The following PLCB1 variants were observed in gnomAD, a reference collection of about 807,000 sequenced individuals.
PLCB1 encodes the protein 1-phosphatidylinositol 4,5-bisphosphate phosphodiesterase beta-1.
In PLCB1, 46 loss-of-function variants were observed where a neutral mutation model predicts 161.8. The observed-to-expected ratio is 0.28, with a 90% CI of 0.22 to 0.36. The LOEUF is 0.36. PLCB1 is among the 10% of genes least tolerant of loss of function. PLCB1 has a pLI of 1.00. For synonymous variants in PLCB1, 517 were observed against 503.7 expected, an observed-to-expected ratio of 1.03 and a Z score of -0.35; for missense variants, 1,016 against 1,472.5, an observed-to-expected ratio of 0.69 and a Z score of 5.07.
At chr20:8,229,856 C>CATAAAATAAAATAA (rs1555791647) in intron 2 of PLCB1, among the ~76,000 whole-genome samples, 13 of 35,046 alleles carry the variant, frequency 3.7e-4, no homozygotes, top group African/African-American at 1.6e-3. Flanking sequence ...GAGCCCATCT[C>CATAAAATAAAATAA]ATAAAATAAA....
In PLCB1 at chr20:8,574,093, G is replaced by A. The variant is rs117839866; in HGVS notation, c.247-54201G>A. 6.8e-3 allele frequency among the ~76,000 whole-genome samples: 1,041 copies of A among 152,302 alleles called. 9 individuals carry two copies. Among genetic ancestry groups the A allele is most frequent in the Non-Finnish European group, 0.011 (778 of 68,024 alleles). On this transcript the variant is annotated intron_variant, in intron 3 of 31. Transcript: ENST00000338037. ...CAAAAGAGAAGGAATCAAGGCCAAAGAACAATCTTATTTAAAATGCTGTGG... is the reference window on the plus strand; with the variant it reads ...CAAAAGAGAAGGAATCAAGGCCAAAAAACAATCTTATTTAAAATGCTGTGG...
At chr20:8,840,732 C>T (rs551446733) in intron 31 of PLCB1, among the ~76,000 whole-genome samples, 44 of 152,224 alleles carry the variant, frequency 2.9e-4, no homozygotes, top group African/African-American at 8.7e-4. Context: ...CCTTTAAGAC[C>T]GAATCTCATC....
At chr20:8,697,542 G>T (rs1990609480) in intron 10 of PLCB1, 84 bp from the exon 11 acceptor site, 4 of 1,381,420 alleles carry the variant, frequency 2.9e-6, no homozygotes, top group East Asian at 4.6e-5. Flanking sequence ...TTGTTTTCCT[G>T]TTATTGAGGA....
At chr20:8,337,899 G>A (rs1194706927) in intron 2 of PLCB1, among the ~76,000 whole-genome samples, 1 of 152,182 alleles carries the variant, frequency 6.6e-6, no homozygotes. Flanking sequence ...ATGAGTAAGA[G>A]TGAGGTCCTG....
chr20:8,631,610 T>A (rs1988591298), intron 4 of PLCB1, among the ~76,000 whole-genome samples: 2 of 152,216 alleles, frequency 1.3e-5, no homozygotes, highest in Admixed American at 1.3e-4. Flanking sequence ...AAACCATTCC[T>A]AGAGCCCTCT....
chr20:8,693,307 A>G (rs534721719), intron 10 of PLCB1, among the ~76,000 whole-genome samples: 3 of 152,334 alleles, frequency 2.0e-5, no homozygotes, highest in East Asian at 1.9e-4. Context: ...AGGCTCTTAC[A>G]TAGACACTTT....
intron 2 of PLCB1, among the ~76,000 whole-genome samples, chr20:8,190,289 T>A (rs2051953942): frequency 6.6e-6 from 1 of 152,142 alleles, no homozygotes; most frequent in Non-Finnish European, 1.5e-5. Context: ...CCACCTGAAA[T>A]TCTCGGATAA....
intron 2 of PLCB1, among the ~76,000 whole-genome samples, chr20:8,313,166 A>G (rs1227334908): frequency 1.3e-5 from 2 of 152,242 alleles, no homozygotes; most frequent in Non-Finnish European, 2.9e-5. Context: ...TAACTATATC[A>G]ATCACCTATT....
chr20:8,577,686 G>T (rs1355997293), intron 3 of PLCB1, among the ~76,000 whole-genome samples: 1 of 152,062 alleles, frequency 6.6e-6, no homozygotes, highest in Non-Finnish European at 1.5e-5. Flanking sequence ...ATAAATCCAT[G>T]GACAGTAAAC....
In PLCB1 at chr20:8,412,140, GTAT is replaced by G. The variant is rs540759018; in HGVS notation, c.246+40696_246+40698del. Among the ~76,000 whole-genome samples the G allele has an allele frequency of 1.8e-3, 281 of 152,270 alleles. 2 individuals are homozygous for G. Among genetic ancestry groups the G allele is most frequent in the Admixed American group, 2.9e-3 (44 of 15,294 alleles). The stretch of plus-strand genomic sequence containing the variant: ...TGCATGTGGAGGAATACATTGTAAG[GTAT>G]TATTAGTTATTGCTACAGTAAAGCT... On this transcript the variant is annotated intron_variant, in intron 3 of 31. Transcript: ENST00000338037.
chr20:8,628,010 A>G (rs1010642138), intron 3 of PLCB1, among the ~76,000 whole-genome samples: 1 of 152,224 alleles, frequency 6.6e-6, no homozygotes, highest in African/African-American at 2.4e-5. Context: ...GATTGAAGGA[A>G]ATAGAGAACC....
At chr20:8,868,224 A>G (rs1277588666) in intron 31 of PLCB1, among the ~76,000 whole-genome samples, 1 of 152,252 alleles carries the variant, frequency 6.6e-6, no homozygotes, top group East Asian at 1.9e-4. Flanking sequence ...GAAGAATGAC[A>G]CAGAGGGAGT....
At chr20:8,864,103 C>A (rs1987346063) in intron 31 of PLCB1, among the ~76,000 whole-genome samples, 1 of 152,082 alleles carries the variant, frequency 6.6e-6, no homozygotes, top group South Asian at 2.1e-4. Context: ...ATTCAGAGTT[C>A]TTATTATTTT....
chr20:8,300,643 A>C (rs1983865332), intron 2 of PLCB1, among the ~76,000 whole-genome samples: 1 of 152,080 alleles, frequency 6.6e-6, no homozygotes, highest in Admixed American at 6.6e-5. Flanking sequence ...TGCACCCATT[A>C]ACTCGTCATT....
rs148175438 is a variant in PLCB1 at position 8,700,548 on chromosome 20, G to C, written c.1167+2765G>C. On this transcript the variant is annotated intron_variant, in intron 11 of 31. Coordinates refer to ENST00000338037, the MANE Select transcript of PLCB1 (RefSeq NM_015192.4). ...TCTGGAAGCATGGCTTCTCAACCAC[G>C]TCCATACACTTGCCAGTGGGTGAGA... is the stretch of plus-strand genomic sequence containing the variant. Among the ~76,000 whole-genome samples, 435 of 152,288 alleles carry C rather than the reference G, an allele frequency of 2.9e-3. 5 individuals carry two copies. The highest frequency in any genetic ancestry group is 9.8e-3 in the African/African-American group (407 of 41,558).
At chr20:8,469,146 A>T in intron 3 of PLCB1, among the ~76,000 whole-genome samples, 1 of 152,168 alleles carries the variant, frequency 6.6e-6, no homozygotes, top group Non-Finnish European at 1.5e-5. Context: ...TCTGCCTTCA[A>T]AGAGCTTGCA....
chr20:8,751,163 C>T (rs1981457371), intron 23 of PLCB1: 1 of 218,364 alleles, frequency 4.6e-6, no homozygotes, highest in South Asian at 5.7e-5. Context: ...CCAGGATGGT[C>T]TCGATCTCCT....
At chr20:8,136,925 C>G (rs571376727) in intron 1 of PLCB1, among the ~76,000 whole-genome samples, 3 of 152,062 alleles carry the variant, frequency 2.0e-5, no homozygotes, top group African/African-American at 7.2e-5. Context: ...TACTTAAATT[C>G]CATATAAAAT....
At chr20:8,254,939 A>C (rs1006937501) in intron 2 of PLCB1, among the ~76,000 whole-genome samples, 4 of 152,056 alleles carry the variant, frequency 2.6e-5, no homozygotes, top group Admixed American at 2.6e-4. Flanking sequence ...ATATATTTGA[A>C]AAATGCTTTG....
Sources: gnomAD v4.1 joint callset for allele counts (sites outside exome capture counted in the v4.1 genomes callset) on GRCh38, gnomAD v4.1.1 for gene constraint, MANE v1.5 for transcripts, NCBI Gene and HGNC (gene_info 2026-07-23, HGNC 2026-07-21) for gene names.